Variants in EYS observed in about 807,000 individuals in gnomAD.
EYS encodes the protein protein eyes shut homolog.
EYS carries 250 observed loss-of-function variants against 282.1 expected under a neutral mutation model. The ratio of observed to expected loss-of-function variants is 0.89; its 90% confidence interval spans 0.80 to 0.98. The LOEUF (loss-of-function observed/expected upper bound fraction) is 0.98. Among genes scored for constraint, EYS ranks in the 50% least tolerant of loss-of-function variants. EYS has a pLI of 0.00. For missense variants in EYS, 4,016 were observed against 3,709.0 expected, an observed-to-expected ratio of 1.08 and a Z score of -2.15; for synonymous variants, 1,355 against 1,282.9, an observed-to-expected ratio of 1.06 and a Z score of -1.20.
In EYS at chr6:63,720,086, T is replaced by C. The variant is rs1365191318; in HGVS notation, c.*510A>G. 3 of 154,516 alleles carry C rather than the reference T, an allele frequency of 1.9e-5. No homozygotes were observed. The highest frequency in any genetic ancestry group is 7.2e-5 in the African/African-American group (3 of 41,598). The allele number at this position is 154,516 out of a possible 1,614,324, so 9.6% of individuals were successfully genotyped here. A position where few individuals can be genotyped will look rare whatever the true frequency, so the allele number is the denominator to read the frequency against. On this transcript the variant is annotated 3_prime_UTR_variant, in exon 43 of 43. Transcript: ENST00000503581. ...TTTAAATCTATGTTCAAGTTTTACA[T>C]TGTTGAATCATATAAATAAGTTGTA...
chr6:65,019,799 T>C (rs1772189524), intron 13 of EYS, among the ~76,000 whole-genome samples: 1 of 152,230 alleles, frequency 6.6e-6, no homozygotes, highest in African/African-American at 2.4e-5. Context: ...GGGTAATTTG[T>C]AAAGGAAAGA....
At chr6:65,297,022 A>G (rs982392198) in intron 11 of EYS, among the ~76,000 whole-genome samples, 2 of 151,676 alleles carry the variant, frequency 1.3e-5, no homozygotes, top group African/African-American at 4.8e-5. Flanking sequence ...TCAAGGCCTA[A>G]TTTATTTGAT....
At position 64,159,771 on chromosome 6, in the gene EYS, G is replaced by A. The variant is rs1043143369; in HGVS notation, c.6424+70821C>T. On this transcript the variant is annotated intron_variant, in intron 31 of 42. Transcript: ENST00000503581. ...CTTTTATTCTGTGGCTCTTCTTTCC[G>A]TATTGTGGGATGTCTACAACCCCAT... Among the ~76,000 whole-genome samples the A allele has an allele frequency of 1.4e-4, 21 of 151,490 alleles. No individual in the cohort carries two copies. The East Asian group carries it at 3.1e-3, about 22-fold the overall frequency.
intron 22 of EYS, among the ~76,000 whole-genome samples, chr6:64,672,520 C>A (rs79413229): frequency 3.0e-4 from 46 of 152,226 alleles, no homozygotes; most frequent in African/African-American, 1.1e-3. Flanking sequence ...AGCAGAGAGA[C>A]ATTCACTTTT....
intron 12 of EYS, among the ~76,000 whole-genome samples, chr6:65,263,049 C>T (rs373848909): frequency 6.6e-6 from 1 of 151,978 alleles, no homozygotes; most frequent in African/African-American, 2.4e-5. Context: ...GAATTGTAAA[C>T]AATGCAAGAA....
intron 31 of EYS, among the ~76,000 whole-genome samples, chr6:64,208,498 C>T (rs1381216543): frequency 6.6e-6 from 1 of 151,690 alleles, no homozygotes; most frequent in Non-Finnish European, 1.5e-5. Flanking sequence ...GAGGGTTAGC[C>T]ACAGAAAAGA....
At chr6:63,760,121 T>C (rs1455275054) in intron 41 of EYS, among the ~76,000 whole-genome samples, 6 of 152,070 alleles carry the variant, frequency 3.9e-5, no homozygotes, top group Non-Finnish European at 7.4e-5. Context: ...TTTCAATATT[T>C]GCTGGGTTAA....
chr6:64,597,939 C>T (rs893168763), intron 24 of EYS, among the ~76,000 whole-genome samples: 4 of 150,030 alleles, frequency 2.7e-5, no homozygotes, highest in Non-Finnish European at 6.0e-5. Context: ...ATGCTAATTA[C>T]CCTGATTTTA....
At chr6:64,132,213 T>A (rs1202826574) in intron 31 of EYS, among the ~76,000 whole-genome samples, 1 of 152,092 alleles carries the variant, frequency 6.6e-6, no homozygotes, top group Non-Finnish European at 1.5e-5. Context: ...AAGTAAGGTA[T>A]AAAAGGTTAT....
intron 30 of EYS, among the ~76,000 whole-genome samples, chr6:64,237,641 A>T (rs964403669): frequency 6.6e-6 from 1 of 152,190 alleles, no homozygotes; most frequent in African/African-American, 2.4e-5. Context: ...TCATAAGAAC[A>T]TCATAACATC....
chr6:64,423,393 A>G (rs973056131), intron 28 of EYS, among the ~76,000 whole-genome samples: 13 of 152,344 alleles, frequency 8.5e-5, no homozygotes, highest in South Asian at 2.1e-4. Flanking sequence ...CATTTTAACT[A>G]TAAGTTTAGT....
rs554025336 is a variant in EYS at position 65,383,617 on chromosome 6, G to C, written c.1299+769C>G. 2.4e-3 allele frequency among the ~76,000 whole-genome samples: 367 copies of C among 150,890 alleles called. 2 individuals are homozygous for C. The highest frequency in any genetic ancestry group is 8.6e-3 in the African/African-American group (356 of 41,214). On this transcript the variant is annotated intron_variant, in intron 8 of 42. Transcript: ENST00000503581. The stretch of plus-strand genomic sequence containing the variant: ...AAAAAAAAGCTTTGCAGAAACATTG[G>C]AAGTTCCCTTTGTACTCTCCCTGAT...
chr6:64,915,493 A>G (rs1246441841), intron 15 of EYS, among the ~76,000 whole-genome samples: 1 of 152,138 alleles, frequency 6.6e-6, no homozygotes, highest in African/African-American at 2.4e-5. Context: ...TGAAATTGGT[A>G]ATCTCAGAGA....
intron 2 of EYS, among the ~76,000 whole-genome samples, chr6:65,513,443 G>A (rs1223852618): frequency 6.6e-6 from 1 of 152,110 alleles, no homozygotes; most frequent in Admixed American, 6.5e-5. Context: ...CATTTTAGGA[G>A]GCCAGCATCA....
At chr6:64,423,284 T>G (rs896031554) in intron 28 of EYS, among the ~76,000 whole-genome samples, 20 of 152,356 alleles carry the variant, frequency 1.3e-4, no homozygotes, top group African/African-American at 4.8e-4. Context: ...AGATGTCACA[T>G]GCTATACAGA....
intron 14 of EYS, among the ~76,000 whole-genome samples, chr6:64,951,373 C>T (rs1769503330): frequency 1.3e-5 from 2 of 151,898 alleles, no homozygotes; most frequent in Non-Finnish European, 2.9e-5. Context: ...AAAATGTGAT[C>T]ATGCATTCCT....
At chr6:65,052,410 A>G (rs1253743401) in intron 13 of EYS, among the ~76,000 whole-genome samples, 1 of 151,638 alleles carries the variant, frequency 6.6e-6, no homozygotes, top group Non-Finnish European at 1.5e-5. Flanking sequence ...AATTTATACA[A>G]AATTCATTTT....
At chr6:65,680,175 G>T (rs1406488701) in intron 1 of EYS, among the ~76,000 whole-genome samples, 1 of 151,230 alleles carries the variant, frequency 6.6e-6, no homozygotes, top group African/African-American at 2.4e-5. Flanking sequence ...GTTTGACTTT[G>T]ACTCTAAGAT....
At chr6:64,236,577 G>T (rs997991668) in intron 30 of EYS, among the ~76,000 whole-genome samples, 2 of 151,940 alleles carry the variant, frequency 1.3e-5, no homozygotes, top group African/African-American at 4.8e-5. Context: ...TATCCTTGTT[G>T]GATCAAACAT....
Sources: gnomAD v4.1 joint callset for allele counts (sites outside exome capture counted in the v4.1 genomes callset) on GRCh38, gnomAD v4.1.1 for gene constraint, MANE v1.5 for transcripts, NCBI Gene and HGNC (gene_info 2026-07-23, HGNC 2026-07-21) for gene names.